MTSS1: variants seen among roughly 807,000 people sequenced by gnomAD.
MTSS1 encodes MTSS I-BAR domain containing 1.
In MTSS1, 18 loss-of-function variants were observed where a neutral mutation model predicts 79.0. The ratio of observed to expected loss-of-function variants is 0.23; its 90% confidence interval spans 0.16 to 0.34. MTSS1 has a LOEUF of 0.34. Ranked by LOEUF, MTSS1 falls within the 10% of genes least tolerant of loss-of-function variation. The pLI is 1.00. For missense variants in MTSS1, 815 were observed against 986.2 expected (o/e 0.83, Z 2.33); for synonymous variants, 341 against 368.6 (o/e 0.93, Z 0.86).
At chr8:124,686,748 T>C (rs927140654) in intron 3 of MTSS1, among the ~76,000 whole-genome samples, 1 of 152,152 alleles carries the variant, frequency 6.6e-6, no homozygotes, top group African/African-American at 2.4e-5. Context: ...AACTAATATT[T>C]ATCCAGCCCC....
rs949227313 is a variant in MTSS1 at position 124,551,326 on chromosome 8, C to T, written c.*1666G>A. ...TATTCTGTAAAAGGAGCTTGTTTTTCAAAGAAAAAAGCTTAAATAGTTTCT... is the reference window on the plus strand; with the variant it reads ...TATTCTGTAAAAGGAGCTTGTTTTTTAAAGAAAAAAGCTTAAATAGTTTCT... On this transcript the variant is annotated 3_prime_UTR_variant, in exon 14 of 14. Transcript: ENST00000518547. 2.6e-5 allele frequency: 4 copies of T among 152,536 alleles called. No homozygotes were observed. Among genetic ancestry groups the T allele is most frequent in the Non-Finnish European group, 5.9e-5 (4 of 68,004 alleles). The allele number at this position is 152,536 out of a possible 1,614,324, so 9.4% of individuals were successfully genotyped here.
intron 3 of MTSS1, among the ~76,000 whole-genome samples, chr8:124,609,112 A>T (rs181525672): frequency 4.6e-4 from 70 of 152,330 alleles, no homozygotes; most frequent in African/African-American, 1.5e-3. Context: ...TGAGAACATC[A>T]TCACCACACA....
chr8:124,629,895 A>G (rs1334282426), intron 3 of MTSS1, among the ~76,000 whole-genome samples: 3 of 152,260 alleles, frequency 2.0e-5, no homozygotes, highest in South Asian at 4.1e-4. Flanking sequence ...CATATCACAC[A>G]CACCGTGCGT....
chr8:124,594,935 AAGAGCTCCCATTTGCG>A (rs1832497419), intron 3 of MTSS1, among the ~76,000 whole-genome samples: 3 of 152,246 alleles, frequency 2.0e-5, no homozygotes, highest in Non-Finnish European at 4.4e-5. Flanking sequence ...AGACATCTGG[AAGAGCTCCCATTTGCG>A]AGTGGGCATA....
chr8:124,721,925 C>T (rs1359992177), intron 1 of MTSS1, among the ~76,000 whole-genome samples: 2 of 152,176 alleles, frequency 1.3e-5, no homozygotes, highest in East Asian at 1.9e-4. Flanking sequence ...TAGAACCTCG[C>T]CTTCTGGTGA....
intron 3 of MTSS1, among the ~76,000 whole-genome samples, chr8:124,666,632 C>T (rs925882276): frequency 6.6e-6 from 1 of 152,124 alleles, no homozygotes; most frequent in Admixed American, 6.5e-5. Flanking sequence ...CAGTCCATAG[C>T]TGTCTGTTCC....
intron 6 of MTSS1, among the ~76,000 whole-genome samples, chr8:124,583,267 T>A (rs769505019): frequency 2.6e-5 from 4 of 152,176 alleles, no homozygotes; most frequent in Admixed American, 6.5e-5. Flanking sequence ...CACAACTGAA[T>A]GCCAATCATT....
At chr8:124,679,482 C>G (rs966118653) in intron 3 of MTSS1, among the ~76,000 whole-genome samples, 2 of 152,178 alleles carry the variant, frequency 1.3e-5, no homozygotes, top group Non-Finnish European at 2.9e-5. Flanking sequence ...AATATTAGGA[C>G]TTTTAGAAAG....
At chr8:124,635,529 C>A (rs1158498077) in intron 3 of MTSS1, among the ~76,000 whole-genome samples, 2 of 152,214 alleles carry the variant, frequency 1.3e-5, no homozygotes, top group Admixed American at 1.3e-4. Flanking sequence ...CGCCTCTGTT[C>A]CTATAAGATC....
chr8:124,661,586 C>G (rs886942473), intron 3 of MTSS1, among the ~76,000 whole-genome samples: 4 of 152,164 alleles, frequency 2.6e-5, no homozygotes, highest in Non-Finnish European at 5.9e-5. Context: ...CCTAGCCACG[C>G]CAAAGGTGCA....
At chr8:124,715,840 A>G (rs1305488621) in intron 1 of MTSS1, among the ~76,000 whole-genome samples, 3 of 152,212 alleles carry the variant, frequency 2.0e-5, no homozygotes, top group Non-Finnish European at 4.4e-5. Flanking sequence ...AGATGTGCTC[A>G]CTGGGTGACC....
chr8:124,591,124 C>A, intron 4 of MTSS1, 27 bp downstream of exon 4: 4 of 1,601,100 alleles, frequency 2.5e-6, no homozygotes, highest in African/African-American at 2.7e-5. Context: ...AGGGTGTTGG[C>A]GATCGGGGCC....
intron 3 of MTSS1, among the ~76,000 whole-genome samples, chr8:124,611,212 A>G (rs1195626798): frequency 6.6e-6 from 1 of 151,896 alleles, no homozygotes; most frequent in Non-Finnish European, 1.5e-5. Context: ...ACAAATGCAC[A>G]TGGATTCTTA....
At chr8:124,626,666 G>T (rs1171111201) in intron 3 of MTSS1, among the ~76,000 whole-genome samples, 3 of 151,984 alleles carry the variant, frequency 2.0e-5, no homozygotes, top group African/African-American at 7.3e-5. Flanking sequence ...GCCCTTGGGA[G>T]GAGATAATGA....
At position 124,656,785 on chromosome 8, in the gene MTSS1, AAAAAAAAAAAAAAAG is replaced by A. The variant is rs1167123537; in HGVS notation, c.208+42726_208+42740del. Among the ~76,000 whole-genome samples the A allele has an allele frequency of 1.7e-4, 26 of 150,412 alleles. No individual in the cohort carries two copies. In the East Asian group the frequency reaches 4.1e-3, roughly 24 times the overall value. On this transcript the variant is annotated intron_variant, in intron 3 of 13. Coordinates refer to ENST00000518547, the MANE Select transcript of MTSS1 (RefSeq NM_014751.6). Reference sequence around the variant, plus strand: ...AGAGTGAGTGAGACTCCATCTCAAAAAAAAAAAAAAAAAAGAAAAAAGAAAAAAAGGAAAAAAAAA... The same window carrying A: ...AGAGTGAGTGAGACTCCATCTCAAAAAAAAAAGAAAAAAAGGAAAAAAAAA...
chr8:124,651,753 A>AT (rs1361985731), intron 3 of MTSS1, among the ~76,000 whole-genome samples: 1 of 152,106 alleles, frequency 6.6e-6, no homozygotes, highest in African/African-American at 2.4e-5. Flanking sequence ...AGACAGAAAA[A>AT]TTCACTGAGC....
chr8:124,700,292 T>C (rs1413788452), intron 2 of MTSS1, among the ~76,000 whole-genome samples: 2 of 152,130 alleles, frequency 1.3e-5, no homozygotes, highest in Non-Finnish European at 2.9e-5. Flanking sequence ...AATATATATA[T>C]ATGCACATCA....
Position 124,553,775 on chromosome 8 carries a change from G to C in MTSS1, c.1568-83C>G, listed in dbSNP as rs965730393. On this transcript the variant is annotated intron_variant, in intron 13 of 13. Coordinates refer to ENST00000518547, the MANE Select transcript of MTSS1 (RefSeq NM_014751.6). The surrounding 1 kb of genome is among the most constrained non-coding windows in gnomAD (Gnocchi z 6.0). ...TCTGGGCTGGGAGGACAAAAGGCACGCAAGGCAGGGTACACACACAGTCTC... is the reference window on the plus strand; with the variant it reads ...TCTGGGCTGGGAGGACAAAAGGCACCCAAGGCAGGGTACACACACAGTCTC... 1.7e-5 allele frequency: 21 copies of C among 1,219,800 alleles called. No individual in the cohort carries two copies. The Admixed American group carries it at 4.5e-4, about 26-fold the overall frequency. The allele number at this position is 1,219,800 out of a possible 1,614,324, so 75.6% of individuals were successfully genotyped here.
chr8:124,707,392 CAAAA>C (rs58460546), intron 1 of MTSS1, among the ~76,000 whole-genome samples: 122,152 of 144,370 alleles, frequency 0.85, 51,545 homozygotes, highest in African/African-American at 0.92. Flanking sequence ...ACTAAAAATA[CAAAA>C]AAAAAAACAA....
Sources: gnomAD v4.1 joint callset for allele counts (sites outside exome capture counted in the v4.1 genomes callset) on GRCh38, gnomAD v4.1.1 for gene constraint, Gnocchi (gnomAD v3.1) non-coding constraint, MANE v1.5 for transcripts, NCBI Gene and HGNC (gene_info 2026-07-23, HGNC 2026-07-21) for gene names.